The following EXO1 variants were observed in gnomAD, a reference collection of about 807,000 sequenced individuals.
The protein encoded by EXO1 is exonuclease 1.
EXO1 carries 69 observed loss-of-function variants against 84.5 expected under a neutral mutation model. The observed-to-expected ratio is 0.82, with a 90% CI of 0.67 to 1.00. The LOEUF (loss-of-function observed/expected upper bound fraction) is 1.00, where lower values mean the gene tolerates loss of function less well. Ranked by LOEUF, EXO1 falls within the 50% of genes least tolerant of loss-of-function variation. The pLI is 0.00. For synonymous variants in EXO1, 373 were observed against 366.1 expected, an observed-to-expected ratio of 1.02 and a Z score of -0.21; for missense variants, 1,045 against 1,000.7, an observed-to-expected ratio of 1.04 and a Z score of -0.60.
At chr1:241,855,712 C>G (rs562527623) in intron 6 of EXO1, among the ~76,000 whole-genome samples, 6 of 152,136 alleles carry the variant, frequency 3.9e-5, no homozygotes, top group Non-Finnish European at 7.4e-5. Flanking sequence ...GCTGCAGTCC[C>G]GAGTCCTGCC....
At chr1:241,884,059 C>G (rs1439890648) in intron 14 of EXO1, among the ~76,000 whole-genome samples, 1 of 152,094 alleles carries the variant, frequency 6.6e-6, no homozygotes, top group African/African-American at 2.4e-5. Context: ...CTTCTCGGAA[C>G]GTTTTTTGTT....
At chr1:241,862,685 A>G (rs1049247167) in intron 10 of EXO1, among the ~76,000 whole-genome samples, 3 of 152,174 alleles carry the variant, frequency 2.0e-5, no homozygotes, top group Non-Finnish European at 4.4e-5. Flanking sequence ...GATATTTACT[A>G]TGTTTATATG....
intron 10 of EXO1, among the ~76,000 whole-genome samples, chr1:241,863,567 A>G (rs1286523603): frequency 6.6e-6 from 1 of 152,190 alleles, no homozygotes; most frequent in East Asian, 1.9e-4. Context: ...AAAGATGACC[A>G]CTAACAAACT....
intron 6 of EXO1, among the ~76,000 whole-genome samples, chr1:241,854,970 C>T (rs754951332): frequency 7.9e-5 from 12 of 152,012 alleles, no homozygotes; most frequent in Non-Finnish European, 4.4e-5. Flanking sequence ...TCCCTGGGGG[C>T]TCGCGGTCTT....
chr1:241,870,142 T>G (rs556697113), intron 11 of EXO1, among the ~76,000 whole-genome samples: 1 of 152,278 alleles, frequency 6.6e-6, no homozygotes, highest in Non-Finnish European at 1.5e-5. Context: ...TCTGCTACAA[T>G]CAAGACACGC....
intron 11 of EXO1, among the ~76,000 whole-genome samples, chr1:241,870,128 T>G (rs539619822): frequency 6.6e-6 from 1 of 152,156 alleles, no homozygotes; most frequent in Non-Finnish European, 1.5e-5. Flanking sequence ...TTCTTTCATT[T>G]TCTTCTGCTA....
intron 14 of EXO1, among the ~76,000 whole-genome samples, chr1:241,884,674 T>C (rs61825976): frequency 0.48 from 72,519 of 149,572 alleles, 18,213 homozygotes; most frequent in Non-Finnish European, 0.55. Flanking sequence ...TGTGTGTGTG[T>C]GTGCACGTGC....
chr1:241,873,686 A>G (rs964569131), intron 12 of EXO1, among the ~76,000 whole-genome samples: 1 of 152,214 alleles, frequency 6.6e-6, no homozygotes, highest in African/African-American at 2.4e-5. Context: ...CCAGTTGGAA[A>G]AATAAATACA....
intron 11 of EXO1, among the ~76,000 whole-genome samples, chr1:241,870,572 T>C (rs943758571): frequency 1.3e-5 from 2 of 152,232 alleles, no homozygotes; most frequent in Non-Finnish European, 2.9e-5. Context: ...TTCACATTCT[T>C]GCAATCTGGC....
rs1400621347 is a variant in EXO1 at position 241,848,350 on chromosome 1, G to A, written c.-423G>A. 6.6e-6 allele frequency: 1 copy of A among 152,390 alleles called. No individual in the cohort carries two copies. Among genetic ancestry groups the A allele is most frequent in the Non-Finnish European group, 1.5e-5 (1 of 68,190 alleles). 9.4% of individuals were successfully genotyped at this position (152,390 alleles called of 1,614,324 possible). A position where few individuals can be genotyped will look rare whatever the true frequency, so the allele number is the denominator to read the frequency against. On this transcript the variant is annotated 5_prime_UTR_variant, in exon 1 of 16. Coordinates refer to ENST00000366548, the MANE Select transcript of EXO1 (RefSeq NM_130398.4). This position sits in a 1 kb window ranked among gnomAD's most constrained non-coding sequence, Gnocchi z 4.2. Reference sequence around the variant, plus strand: ...AGGGGAGGAGGAGAGTCCCTTCTCGGAAGGTGAGAGGAGCGGGCTGTGCGG... The same window carrying A: ...AGGGGAGGAGGAGAGTCCCTTCTCGAAAGGTGAGAGGAGCGGGCTGTGCGG...
At chr1:241,859,481 T>C (rs1029949602) in intron 8 of EXO1, among the ~76,000 whole-genome samples, 4 of 152,208 alleles carry the variant, frequency 2.6e-5, no homozygotes, top group Non-Finnish European at 5.9e-5. Context: ...CTTCAGTCTA[T>C]GTGTGTAAGG....
chr1:241,888,542 G>A (rs995391291), intron 15 of EXO1, among the ~76,000 whole-genome samples: 2 of 152,196 alleles, frequency 1.3e-5, no homozygotes, highest in South Asian at 2.1e-4. Context: ...CTTGGAAACC[G>A]TTCAAAGGAT....
chr1:241,889,406 T>A, intron 15 of EXO1, 59 bp from the exon 16 acceptor site: 2 of 1,493,714 alleles, frequency 1.3e-6, no homozygotes, highest in Non-Finnish European at 1.9e-6. Flanking sequence ...AGGTAGAATA[T>A]TTCTTCTCTA....
chr1:241,874,687 C>T (rs1662291046), intron 12 of EXO1, among the ~76,000 whole-genome samples: 1 of 152,200 alleles, frequency 6.6e-6, no homozygotes, highest in South Asian at 2.1e-4. Context: ...AAGTTAACTT[C>T]TGGATACTTC....
Position 241,861,453 on chromosome 1 carries a change from A to G in EXO1, c.992A>G (p.Asp331Gly), listed in dbSNP as rs766217496. ...IALQIALGNK[D>G]INTFEQIDDY... Reference sequence around the variant, plus strand: ...CTTCAAATAGCACTTGGAAATAAAGATATAAATACTTTTGAACAGATCGAT... The same window carrying G: ...CTTCAAATAGCACTTGGAAATAAAGGTATAAATACTTTTGAACAGATCGAT... Residue 331 changes from aspartate to glycine, a missense_variant, in exon 10 of 16, where the codon GAT (aspartate) becomes GGT (glycine). Physicochemically the swap from Asp to Gly is moderately conservative, Grantham distance 94 (BLOSUM62 -1). Transcript: ENST00000366548. The G allele has an allele frequency of 1.3e-6, 2 of 1,593,608 alleles. No individual in the cohort carries two copies. Among genetic ancestry groups the G allele is most frequent in the Admixed American group, 3.3e-5 (2 of 59,994 alleles).
chr1:241,886,799 T>A (rs1389059256), intron 15 of EXO1, among the ~76,000 whole-genome samples: 1 of 152,136 alleles, frequency 6.6e-6, no homozygotes, highest in Non-Finnish European at 1.5e-5. Flanking sequence ...TAAATAGCTA[T>A]ATTTTCCAAA....
Position 241,852,306 on chromosome 1 carries a change from G to C in EXO1, c.176G>C (p.Cys59Ser), listed in dbSNP as rs200962199. Residue 59 changes from cysteine to serine, a missense_variant, in exon 5 of 16, where the codon TGT becomes TCT. Coordinates refer to ENST00000366548, the MANE Select transcript of EXO1 (RefSeq NM_130398.4). Reference protein sequence around the residue: ...GEPTDRYVGFCMKFVNMLLSH... With the variant: ...GEPTDRYVGFSMKFVNMLLSH... ...TTTTTCCATAGGTATGTAGGATTTT[G>C]TATGAAATTTGTAAATATGTTACTA... 3.3e-5 allele frequency: 53 copies of C among 1,602,428 alleles called. No individual in the cohort carries two copies. In the South Asian group the frequency reaches 5.6e-4, roughly 17 times the overall value.
intron 11 of EXO1, among the ~76,000 whole-genome samples, chr1:241,870,243 A>G (rs906550578): frequency 5.9e-5 from 9 of 152,212 alleles, no homozygotes; most frequent in African/African-American, 1.4e-4. Context: ...CAACTTATCA[A>G]TAGGTTTTGT....
In EXO1 at chr1:241,878,790, A is replaced by G. The variant is rs774899065; in HGVS notation, c.1556A>G (p.Lys519Arg). ...GATTCTACTGACTGTGTATCAAACA[A>G]AGTGAGCATCCAGCCTCTGGATGAA... ...SSDSTDCVSNKVSIQPLDETA... is the reference protein window; with the variant it reads ...SSDSTDCVSNRVSIQPLDETA... The change falls in exon 13 of 16, where the codon AAA becomes AGA. Residue 519 changes from lysine to arginine, a missense_variant. Lys to Arg is a conservative substitution (Grantham distance 26). Coordinates refer to ENST00000366548, the MANE Select transcript of EXO1 (RefSeq NM_130398.4). 46 of 1,613,618 alleles carry G rather than the reference A, an allele frequency of 2.9e-5. No individual in the cohort carries two copies. The highest frequency in any genetic ancestry group is 3.6e-5 in the Non-Finnish European group (43 of 1,179,698).
Sources: allele counts gnomAD v4.1 joint callset (sites outside exome capture counted in the v4.1 genomes callset), GRCh38; gene constraint gnomAD v4.1.1; non-coding constraint Gnocchi (gnomAD v3.1); transcripts MANE v1.5; gene names NCBI Gene and HGNC (gene_info 2026-07-23, HGNC 2026-07-21).